ATF7IP2: variants seen among roughly 807,000 people sequenced by gnomAD.
ATF7IP2 encodes activating transcription factor 7 interacting protein 2.
ATF7IP2 carries 42 observed loss-of-function variants against 64.2 expected under a neutral mutation model. The ratio of observed to expected loss-of-function variants is 0.65; its 90% CI spans 0.51 to 0.85. The LOEUF (loss-of-function observed/expected upper bound fraction) is 0.85, where lower values mean the gene tolerates loss of function less well. ATF7IP2 is among the 40% of genes least tolerant of loss of function. The pLI, the probability that ATF7IP2 is intolerant of heterozygous loss-of-function variation, is 0.00. For synonymous variants in ATF7IP2, 308 were observed against 272.8 expected, an observed-to-expected ratio of 1.13 and a Z score of -1.27; for missense variants, 933 against 784.2, an observed-to-expected ratio of 1.19 and a Z score of -2.27.
chr16:10,426,553 T>C (rs756552459), intron 3 of ATF7IP2, among the ~76,000 whole-genome samples: 4 of 152,200 alleles, frequency 2.6e-5, no homozygotes, highest in Non-Finnish European at 5.9e-5. Flanking sequence ...ACAAATTTAC[T>C]CTGAGCTGGC....
chr16:10,399,348 A>G (rs1193740574), intron 1 of ATF7IP2, among the ~76,000 whole-genome samples: 1 of 152,192 alleles, frequency 6.6e-6, no homozygotes, highest in South Asian at 2.1e-4. Context: ...AAATTTAATG[A>G]GAGTTTATTT....
intron 1 of ATF7IP2, among the ~76,000 whole-genome samples, chr16:10,411,370 T>TTTGTTG (rs3083563): frequency 2.7e-4 from 38 of 141,070 alleles, no homozygotes; most frequent in Admixed American, 7.1e-4. Context: ...TTTTTGGTGT[T>TTTGTTG]TTGTTGTTGT....
chr16:10,476,806 T>G (rs574480604), intron 12 of ATF7IP2, among the ~76,000 whole-genome samples: 22 of 152,314 alleles, frequency 1.4e-4, no homozygotes, highest in African/African-American at 5.3e-4. Context: ...GGCTTCTAGC[T>G]CCATCCATGT....
At chr16:10,458,383 G>C (rs1050302968) in intron 9 of ATF7IP2, among the ~76,000 whole-genome samples, 1 of 152,204 alleles carries the variant, frequency 6.6e-6, no homozygotes, top group Non-Finnish European at 1.5e-5. Flanking sequence ...AAAATAAAAA[G>C]TGCTAGTGAT....
At chr16:10,415,153 A>G (rs1476788516) in intron 2 of ATF7IP2, among the ~76,000 whole-genome samples, 1 of 152,216 alleles carries the variant, frequency 6.6e-6, no homozygotes, top group African/African-American at 2.4e-5. Context: ...GAACCACAGA[A>G]GACTGAGAAT....
intron 9 of ATF7IP2, among the ~76,000 whole-genome samples, chr16:10,464,858 T>C (rs538840198): frequency 6.6e-6 from 1 of 152,188 alleles, no homozygotes; most frequent in African/African-American, 2.4e-5. Flanking sequence ...AGACGGAGTT[T>C]CGCTCTTGTT....
chr16:10,469,053 A>G (rs1451543790), intron 9 of ATF7IP2, among the ~76,000 whole-genome samples: 3 of 152,204 alleles, frequency 2.0e-5, no homozygotes, highest in South Asian at 4.1e-4. Flanking sequence ...TTCTGAAGAA[A>G]TGAAACAACA....
intron 1 of ATF7IP2, among the ~76,000 whole-genome samples, chr16:10,394,974 T>C (rs931939910): frequency 1.3e-4 from 19 of 151,842 alleles, no homozygotes; most frequent in African/African-American, 4.1e-4. Flanking sequence ...CAGCAGAATG[T>C]AGGAAAAAAT....
chr16:10,478,517 A>T (rs1353549543), intron 12 of ATF7IP2, among the ~76,000 whole-genome samples: 1 of 152,222 alleles, frequency 6.6e-6, no homozygotes, highest in African/African-American at 2.4e-5. Context: ...GATGGATTAA[A>T]GACTTAAACG....
chr16:10,448,311 A>G (rs1199748865), intron 8 of ATF7IP2: 3 of 152,220 alleles, frequency 2.0e-5, no homozygotes, highest in Non-Finnish European at 4.4e-5. Context: ...CTGTGAAGAA[A>G]GTCAATGGTA....
chr16:10,470,178 G>A (rs1374341732), intron 9 of ATF7IP2, among the ~76,000 whole-genome samples: 1 of 151,978 alleles, frequency 6.6e-6, no homozygotes, highest in Non-Finnish European at 1.5e-5. Context: ...ACTCTATATA[G>A]AAACACTACA....
At chr16:10,416,272 C>A (rs2353906) in intron 2 of ATF7IP2, among the ~76,000 whole-genome samples, 120,845 of 152,180 alleles carry the variant, frequency 0.79, 48,853 homozygotes, top group African/African-American at 0.95. Context: ...TTCAGCCATG[C>A]AAAAGAATGA....
At chr16:10,404,065 C>CTTAG (rs2047586536) in intron 1 of ATF7IP2, among the ~76,000 whole-genome samples, 2 of 152,088 alleles carry the variant, frequency 1.3e-5, no homozygotes, top group South Asian at 4.1e-4. Flanking sequence ...ATTCAGACAT[C>CTTAG]TTAGATACAG....
At chr16:10,474,329 G>A (rs566066818) in intron 12 of ATF7IP2, among the ~76,000 whole-genome samples, 127 of 105,302 alleles carry the variant, frequency 1.2e-3, no homozygotes, top group African/African-American at 4.5e-3. Context: ...CCACATTCTT[G>A]TGTAACAGTA....
intron 3 of ATF7IP2, among the ~76,000 whole-genome samples, chr16:10,425,054 ATTTTT>A (rs59143669): frequency 7.6e-6 from 1 of 132,190 alleles, no homozygotes. Flanking sequence ...TTTATATCAG[ATTTTT>A]TTTTTTTTTT....
intron 1 of ATF7IP2, among the ~76,000 whole-genome samples, chr16:10,396,523 GTTTGT>G (rs2047421880): frequency 6.6e-6 from 1 of 152,058 alleles, no homozygotes. Context: ...TTACATATAA[GTTTGT>G]TTTCTTTTTT....
rs575438577 is a variant in ATF7IP2 at position 10,465,969 on chromosome 16, A to C, written c.1353-6141A>C. On this transcript the variant is annotated intron_variant, in intron 9 of 13. Transcript: ENST00000562102. ...CATGAACAGTATGTTAGCCTGATGA[A>C]TTTTCACAGAGTGACAGATGACCCA... 2.1e-3 allele frequency among the ~76,000 whole-genome samples: 320 copies of C among 152,264 alleles called. 2 individuals are homozygous for C. The highest frequency in any genetic ancestry group is 7.5e-3 in the African/African-American group (310 of 41,564).
In ATF7IP2 at chr16:10,444,392, T is replaced by C. The variant is rs550558757; in HGVS notation, c.1194+3930T>C. Among the ~76,000 whole-genome samples, 7 of 152,244 alleles carry C rather than the reference T, an allele frequency of 4.6e-5. No homozygotes were observed. The South Asian group carries it at 1.5e-3, about 32-fold the overall frequency. On this transcript the variant is annotated intron_variant, in intron 8 of 13. Coordinates refer to ENST00000562102, the MANE Select transcript of ATF7IP2 (RefSeq NM_001393719.1). ...GTGGTTAGGGGCACTAGATAAGGTCTCCCAGGTTGGTTCGAGTTTTTCTTC... is the reference window on the plus strand; with the variant it reads ...GTGGTTAGGGGCACTAGATAAGGTCCCCCAGGTTGGTTCGAGTTTTTCTTC...
At chr16:10,415,966 A>G (rs2047866173) in intron 2 of ATF7IP2, among the ~76,000 whole-genome samples, 1 of 152,236 alleles carries the variant, frequency 6.6e-6, no homozygotes, top group South Asian at 2.1e-4. Context: ...GCAGGTGAGG[A>G]TGTGTAGAAA....
Sources: gnomAD v4.1 joint callset for allele counts (sites outside exome capture counted in the v4.1 genomes callset) on GRCh38, gnomAD v4.1.1 for gene constraint, MANE v1.5 for transcripts, NCBI Gene and HGNC (gene_info 2026-07-23, HGNC 2026-07-21) for gene names.